Variants in TJP1 observed in about 807,000 individuals in gnomAD.
TJP1 encodes the protein tight junction protein 1.
Under a neutral mutation model 194.2 loss-of-function variants are expected in TJP1, and 43 were observed. The ratio of observed to expected loss-of-function variants is 0.22; its 90% CI spans 0.17 to 0.29. TJP1 has a LOEUF of 0.29. Ranked by LOEUF, TJP1 falls within the 10% of genes least tolerant of loss-of-function variation. TJP1 has a pLI of 1.00. For missense variants in TJP1, 1,971 were observed against 2,185.7 expected, an observed-to-expected ratio of 0.90 and a Z score of 1.96; for synonymous variants, 801 against 779.0, an observed-to-expected ratio of 1.03 and a Z score of -0.47.
intron 2 of TJP1, among the ~76,000 whole-genome samples, chr15:29,935,174 T>G (rs1016096961): frequency 6.6e-6 from 1 of 151,608 alleles, no homozygotes; most frequent in East Asian, 1.9e-4. Flanking sequence ...CCTAGGTCAT[T>G]TGAACATTTA....
At chr15:29,759,707 A>G (rs935556330) in intron 8 of TJP1, 1 of 152,520 alleles carries the variant, frequency 6.6e-6, no homozygotes, top group South Asian at 2.1e-4. Flanking sequence ...ACAGTAAGTG[A>G]GGTCATGCAG....
At chr15:29,734,423 G>A in intron 11 of TJP1, 41 bp from the exon 12 acceptor site, 1 of 1,456,416 alleles carries the variant, frequency 6.9e-7, no homozygotes, top group Non-Finnish European at 9.5e-7. Context: ...GGCTGTTTAA[G>A]AATATGAAAA....
Position 29,700,229 on chromosome 15 carries a change from T to C in TJP1, c.*1366A>G, listed in dbSNP as rs1428645941. On this transcript the variant is annotated 3_prime_UTR_variant, in exon 28 of 28. Transcript: ENST00000614355. ...ACGGCAAAAGAAATTCAGTCACACC[T>C]AATGATTAACAGAATGTAGTGGTGT... 1 of 398,856 alleles carries C rather than the reference T, an allele frequency of 2.5e-6. No individual in the cohort carries two copies. Among genetic ancestry groups the C allele is most frequent in the East Asian group, 3.6e-5 (1 of 28,066 alleles). 24.7% of individuals were successfully genotyped at this position (398,856 alleles called of 1,614,324 possible).
At chr15:29,926,406 G>A (rs1338670713) in intron 2 of TJP1, among the ~76,000 whole-genome samples, 1 of 152,128 alleles carries the variant, frequency 6.6e-6, no homozygotes, top group Non-Finnish European at 1.5e-5. Flanking sequence ...GAGGTCAGGA[G>A]TTCAAGACCA....
rs887718297 is a variant in TJP1, at chr15:29,822,362, G to A, written c.-334C>T. On this transcript the variant is annotated 5_prime_UTR_variant, in exon 1 of 28. Coordinates refer to ENST00000614355, the MANE Select transcript of TJP1 (RefSeq NM_001330239.4). The stretch of plus-strand genomic sequence containing the variant: ...CCGTCAGCAGCACCCGTGGCCTCCC[G>A]GCGTCTCCTCGGAAGCCGGCTTCGC... 371 of 1,040,854 alleles carry A rather than the reference G, an allele frequency of 3.6e-4. No homozygotes were observed. Among genetic ancestry groups the A allele is most frequent in the Non-Finnish European group, 4.2e-4 (360 of 865,788 alleles). 64.5% of individuals were successfully genotyped at this position (1,040,854 alleles called of 1,614,324 possible).
intron 2 of TJP1, among the ~76,000 whole-genome samples, chr15:29,910,187 C>A (rs2053969412): frequency 6.6e-6 from 1 of 152,174 alleles, no homozygotes; most frequent in Non-Finnish European, 1.5e-5. Flanking sequence ...CAATAGCCGG[C>A]AGTAGAAACA....
intron 2 of TJP1, among the ~76,000 whole-genome samples, chr15:29,895,918 G>A (rs2053462607): frequency 6.6e-6 from 1 of 152,158 alleles, no homozygotes; most frequent in Non-Finnish European, 1.5e-5. Context: ...AGTGTCTGGG[G>A]AGAGCCCACT....
chr15:29,777,132 T>C (rs2047066441), intron 2 of TJP1, among the ~76,000 whole-genome samples: 1 of 152,196 alleles, frequency 6.6e-6, no homozygotes, highest in Non-Finnish European at 1.5e-5. Flanking sequence ...CCTAGACTAC[T>C]GAAAACGTGT....
At chr15:29,816,732 T>C (rs188936487) in intron 1 of TJP1, among the ~76,000 whole-genome samples, 89 of 152,332 alleles carry the variant, frequency 5.8e-4, no homozygotes, top group Admixed American at 1.2e-3. Context: ...GTTCATTAGC[T>C]TGGCCATTTT....
intron 2 of TJP1, among the ~76,000 whole-genome samples, chr15:29,927,311 C>T (rs2054557595): frequency 6.6e-6 from 1 of 152,070 alleles, no homozygotes; most frequent in Admixed American, 6.6e-5. Context: ...CAAAGCAAGA[C>T]TCTGCCTCAA....
intron 2 of TJP1, among the ~76,000 whole-genome samples, chr15:29,800,206 G>C (rs887811471): frequency 6.6e-6 from 1 of 152,152 alleles, no homozygotes; most frequent in Non-Finnish European, 1.5e-5. Flanking sequence ...TCTCGCATCT[G>C]CAATTGTTTA....
intron 2 of TJP1, among the ~76,000 whole-genome samples, chr15:29,914,152 CAT>C (rs534297430): frequency 1.4e-4 from 22 of 152,298 alleles, no homozygotes; most frequent in African/African-American, 4.3e-4. Flanking sequence ...CAAAACATTT[CAT>C]ATGACTTGAG....
intron 2 of TJP1, among the ~76,000 whole-genome samples, chr15:29,874,216 G>A (rs545474083): frequency 2.6e-5 from 4 of 152,304 alleles, no homozygotes; most frequent in East Asian, 1.9e-4. Context: ...TAGGGCCTGC[G>A]TCATGGCTTC....
intron 1 of TJP1, among the ~76,000 whole-genome samples, chr15:29,960,562 G>A (rs2049258): frequency 0.42 from 63,608 of 150,584 alleles, 13,973 homozygotes; most frequent in African/African-American, 0.54. Context: ...CCTAAGGCCA[G>A]GACGTCGAGG....
intron 26 of TJP1, among the ~76,000 whole-genome samples, chr15:29,705,317 C>T (rs985794446): frequency 6.6e-6 from 1 of 152,206 alleles, no homozygotes; most frequent in African/African-American, 2.4e-5. Context: ...TTATTTCACA[C>T]CAAAAGTAAA....
At chr15:29,757,625 T>C (rs922591794) in intron 8 of TJP1, among the ~76,000 whole-genome samples, 6 of 152,190 alleles carry the variant, frequency 3.9e-5, no homozygotes, top group African/African-American at 1.4e-4. Context: ...ATTTATATCT[T>C]GTCTGTAGGC....
At chr15:29,775,602 C>T (rs1428131546) in intron 2 of TJP1, among the ~76,000 whole-genome samples, 1 of 152,084 alleles carries the variant, frequency 6.6e-6, no homozygotes, top group African/African-American at 2.4e-5. Flanking sequence ...GAACATACAC[C>T]CCATGGCTCA....
At chr15:29,908,985 T>C (rs111948642) in intron 2 of TJP1, among the ~76,000 whole-genome samples, 40,473 of 151,344 alleles carry the variant, frequency 0.27, 5,787 homozygotes, top group African/African-American at 0.37. Context: ...AAACCCCGTC[T>C]CTACCAAAAA....
intron 2 of TJP1, among the ~76,000 whole-genome samples, chr15:29,893,395 G>A (rs2152171304): frequency 6.6e-6 from 1 of 152,316 alleles, no homozygotes; most frequent in Non-Finnish European, 1.5e-5. Context: ...CAGGGTTTGA[G>A]AGGACTGGCT....
Sources: gnomAD v4.1 joint callset for allele counts (sites outside exome capture counted in the v4.1 genomes callset) on GRCh38, gnomAD v4.1.1 for gene constraint, MANE v1.5 for transcripts, NCBI Gene and HGNC (gene_info 2026-07-23, HGNC 2026-07-21) for gene names.